The following KLF8 variants were observed in gnomAD, a reference collection of about 807,000 sequenced individuals.
KLF8 encodes the protein Krueppel-like factor 8.
A neutral mutation model predicts 18.2 loss-of-function variants in KLF8; 10 were observed. The ratio of observed to expected loss-of-function variants is 0.55; its 90% CI spans 0.34 to 0.93. The LOEUF is 0.93. Among genes scored for constraint, KLF8 ranks in the 40% least tolerant of loss-of-function variants. The pLI is 0.02. For missense variants in KLF8, 264 were observed against 277.9 expected (o/e 0.95, Z 0.36); for synonymous variants, 109 against 97.3 (o/e 1.12, Z -0.71).
At chrX:56,204,170 AT>A in the KLF8 span, among the ~76,000 whole-genome samples, 3 of 111,487 alleles carry the variant, frequency 2.7e-5, no homozygotes, top group South Asian at 1.1e-3. Context: ...TAGATATATA[AT>A]TTTTTGTGTG....
chrX:56,101,270 C>A, the KLF8 span, among the ~76,000 whole-genome samples: 35 of 111,843 alleles, frequency 3.1e-4, 2 homozygotes, highest in East Asian at 9.6e-3. Flanking sequence ...TAGCTTTCAG[C>A]TGCATCCGGT....
At chrX:56,057,280 G>A in the KLF8 span, among the ~76,000 whole-genome samples, 1 of 111,484 alleles carries the variant, frequency 9.0e-6, no homozygotes, top group African/African-American at 3.3e-5. Context: ...GTTGGTGCAA[G>A]GGTGGGCCTT....
chrX:56,284,497 C>T lies in KLF8; in HGVS notation c.*3C>T, dbSNP rs749126061. On this transcript the variant is annotated 3_prime_UTR_variant, in exon 6 of 6. Transcript: ENST00000468660. ...GCCGTCGCCATGACACCATGTGAGC[C>T]GCACAGGTCACACTAGAGAAGCTGC... 2.2e-5 allele frequency: 26 copies of T among 1,169,000 alleles called. No individual in the cohort carries two copies. The highest frequency in any genetic ancestry group is 3.0e-5 in the East Asian group (1 of 32,837).
the KLF8 span, among the ~76,000 whole-genome samples, chrX:55,957,854 C>T: frequency 9.0e-6 from 1 of 110,933 alleles, no homozygotes; most frequent in African/African-American, 3.3e-5. Context: ...TTACTTTGTT[C>T]CAGGCATTAA....
At chrX:56,122,872 A>AG in the KLF8 span, among the ~76,000 whole-genome samples, 3 of 111,041 alleles carry the variant, frequency 2.7e-5, no homozygotes, top group African/African-American at 9.8e-5. Flanking sequence ...TACAGCTGTG[A>AG]GCCACCATGC....
chrX:56,119,636 A>T, the KLF8 span, among the ~76,000 whole-genome samples: 1 of 109,773 alleles, frequency 9.1e-6, no homozygotes, highest in Non-Finnish European at 1.9e-5. Flanking sequence ...TCCTGACCTC[A>T]TGATCCACCC....
the KLF8 span, among the ~76,000 whole-genome samples, chrX:56,074,160 T>C: frequency 8.9e-6 from 1 of 112,410 alleles, no homozygotes; most frequent in Middle Eastern, 4.6e-3. Flanking sequence ...TATTAAATTG[T>C]AGGTATTATT....
chrX:55,987,411 T>C, the KLF8 span, among the ~76,000 whole-genome samples: 2 of 110,445 alleles, frequency 1.8e-5, no homozygotes, highest in Non-Finnish European at 3.8e-5. Context: ...CCATGTGTTC[T>C]CATTGTTCAA....
At chrX:56,178,884 T>A in the KLF8 span, among the ~76,000 whole-genome samples, 39 of 112,375 alleles carry the variant, frequency 3.5e-4, 1 homozygote, top group Admixed American at 1.6e-3. Context: ...TCAGTTACTG[T>A]CGCCTTGTAC....
At chrX:56,069,119 G>T in the KLF8 span, among the ~76,000 whole-genome samples, 3 of 111,826 alleles carry the variant, frequency 2.7e-5, no homozygotes, top group Non-Finnish European at 5.7e-5. Flanking sequence ...CAGGAGAGGT[G>T]ACCCCACCCA....
intron 5 of KLF8, among the ~76,000 whole-genome samples, chrX:56,277,269 A>G (rs2067135653): frequency 9.0e-6 from 1 of 111,582 alleles, no homozygotes. Context: ...TGTAGTCTTC[A>G]CAGTCTGGGT....
the KLF8 span, among the ~76,000 whole-genome samples, chrX:56,151,505 G>A: frequency 9.0e-6 from 1 of 111,227 alleles, no homozygotes; most frequent in Non-Finnish European, 1.9e-5. Context: ...GATAGGGGTG[G>A]TAGGAAGTAT....
chrX:55,974,001 G>A, the KLF8 span, among the ~76,000 whole-genome samples: 1 of 111,745 alleles, frequency 8.9e-6, no homozygotes, highest in Non-Finnish European at 1.9e-5. Flanking sequence ...TAGTACACAG[G>A]CATAAAATAC....
Position 56,250,303 on chromosome X carries a change from A to T in KLF8, c.80A>T (p.Gln27Leu). The T allele has an allele frequency of 1.7e-6, 2 of 1,191,944 alleles. No individual in the cohort carries two copies. The highest frequency in any genetic ancestry group is 2.3e-6 in the Non-Finnish European group (2 of 877,669). The change falls in exon 2 of 6, where the codon CAG (glutamine) becomes CTG (leucine). Residue 27 changes from glutamine (Q) to leucine (L), a missense_variant and splice_region_variant. By Grantham distance (113) the Gln-to-Leu change is moderately radical. Coordinates refer to ENST00000468660, the MANE Select transcript of KLF8 (RefSeq NM_007250.5). Reference sequence around the variant, plus strand: ...GGTGGCTCAATGCAGGTATTCAAGCAGGTCAGTTATCAGGAAAATAGGGTG... The same window carrying T: ...GGTGGCTCAATGCAGGTATTCAAGCTGGTCAGTTATCAGGAAAATAGGGTG... ...SEGGSMQVFK[Q>L]VTASVRNRDP...
At chrX:56,047,703 G>A in the KLF8 span, among the ~76,000 whole-genome samples, 27 of 111,100 alleles carry the variant, frequency 2.4e-4, no homozygotes, top group African/African-American at 8.2e-4. Flanking sequence ...CTTTGCTATT[G>A]TGAATAGTGC....
the KLF8 span, among the ~76,000 whole-genome samples, chrX:55,951,049 A>C: frequency 8.0e-5 from 9 of 112,039 alleles, no homozygotes; most frequent in Admixed American, 8.5e-4. Flanking sequence ...CTGCCATAGA[A>C]GTGAGTTGGG....
the KLF8 span, among the ~76,000 whole-genome samples, chrX:55,919,118 G>C: frequency 1.8e-5 from 2 of 111,978 alleles, no homozygotes; most frequent in East Asian, 5.6e-4. Context: ...CTTCATCTGC[G>C]TAAGGAAGGA....
the KLF8 span, among the ~76,000 whole-genome samples, chrX:56,141,854 T>C: frequency 4.5e-5 from 5 of 111,993 alleles, no homozygotes; most frequent in Admixed American, 4.8e-4. Flanking sequence ...AATCCTGCTG[T>C]CATGCTGGGA....
At chrX:56,207,435 C>T in the KLF8 span, among the ~76,000 whole-genome samples, 1 of 112,239 alleles carries the variant, frequency 8.9e-6, no homozygotes, top group Non-Finnish European at 1.9e-5. Flanking sequence ...TTTAACAGTA[C>T]TGAAGTCGCA....
Sources: allele counts gnomAD v4.1 joint callset (sites outside exome capture counted in the v4.1 genomes callset), GRCh38; gene constraint gnomAD v4.1.1; transcripts MANE v1.5; gene names NCBI Gene and HGNC (gene_info 2026-07-23, HGNC 2026-07-21).